The following CDH26 variants were observed in gnomAD, a reference collection of about 807,000 sequenced individuals.
CDH26 encodes cadherin-like protein 26.
CDH26 carries 83 observed loss-of-function variants against 90.3 expected under a neutral mutation model. The ratio of observed to expected loss-of-function variants is 0.92; its 90% CI spans 0.77 to 1.10. The LOEUF is 1.10. Ranked by LOEUF, CDH26 falls within the 50% of genes least tolerant of loss-of-function variation. The pLI is 0.00. For missense variants in CDH26, 1,013 were observed against 1,037.6 expected, an observed-to-expected ratio of 0.98 and a Z score of 0.33; for synonymous variants, 397 against 396.3, an observed-to-expected ratio of 1.00 and a Z score of -0.02.
intron 1 of CDH26, among the ~76,000 whole-genome samples, chr20:59,967,783 T>C: frequency 7.5e-6 from 1 of 133,242 alleles, no homozygotes; most frequent in Non-Finnish European, 1.6e-5. Context: ...CCTCCCTCCT[T>C]CCTTCCTTCC....
At chr20:60,012,453 A>T (rs938663301) in intron 17 of CDH26, 74 bp from the exon 18 acceptor site, 8 of 1,432,360 alleles carry the variant, frequency 5.6e-6, no homozygotes, top group Non-Finnish European at 7.7e-6. Flanking sequence ...GTGTTCCTCG[A>T]ATCAAACCTA....
At chr20:60,022,823 C>T (rs1351890762) in intron 7 of CDH26, among the ~76,000 whole-genome samples, 1 of 151,714 alleles carries the variant, frequency 6.6e-6, no homozygotes, top group Admixed American at 6.5e-5. Context: ...TTTCACTGTT[C>T]CCAACACAAG....
At chr20:59,979,601 CTTTTTTTTTTTTTTTTTTTTTTTTTTT>C (rs559969476) in intron 4 of CDH26, among the ~76,000 whole-genome samples, 13 of 47,500 alleles carry the variant, frequency 2.7e-4, no homozygotes, top group Admixed American at 7.3e-4. Context: ...CTGCTATGCA[CTTTTTTTTTTTTTTTTTTTTTTTTTTT>C]TTTTTTTTTT....
chr20:59,990,707 G>A (rs1425027491), intron 9 of CDH26, among the ~76,000 whole-genome samples: 2 of 152,094 alleles, frequency 1.3e-5, no homozygotes, highest in East Asian at 3.9e-4. Flanking sequence ...CTCATTGTGA[G>A]CAGCCAACCA....
At chr20:59,980,992 A>T (rs2061388891) in intron 4 of CDH26, among the ~76,000 whole-genome samples, 1 of 152,108 alleles carries the variant, frequency 6.6e-6, no homozygotes, top group Non-Finnish European at 1.5e-5. Flanking sequence ...TTTCAGAATC[A>T]TGTGTTGAAA....
intron 7 of CDH26, among the ~76,000 whole-genome samples, chr20:60,027,244 C>G (rs1417610280): frequency 1.3e-5 from 2 of 152,022 alleles, no homozygotes; most frequent in Admixed American, 1.3e-4. Context: ...AAAAGAAGGA[C>G]AGTGGTGGGA....
At chr20:59,976,526 C>A (rs1309586089) in intron 4 of CDH26, among the ~76,000 whole-genome samples, 2 of 152,220 alleles carry the variant, frequency 1.3e-5, no homozygotes, top group African/African-American at 4.8e-5. Context: ...ACAGTTGGCA[C>A]AGTTTTACAG....
At chr20:60,033,773 ATGTGTGTGTGTGTG>A in exon 9 of CDH26, 4 of 899,418 alleles carry the variant, frequency 4.4e-6, no homozygotes, top group Non-Finnish European at 5.7e-6. Context: ...GGTAGACAAG[ATGTGTGTGTGTGTG>A]TGTGTGTGTG....
chr20:59,961,100 T>C (rs533867206), intron 1 of CDH26, among the ~76,000 whole-genome samples: 3 of 152,204 alleles, frequency 2.0e-5, no homozygotes, highest in Admixed American at 2.0e-4. Context: ...TGATCTCCAA[T>C]ACTTCACAGA....
Position 59,968,024 on chromosome 20 carries a change from T to C in CDH26, c.70-943T>C, listed in dbSNP as rs560383250. On this transcript the variant is annotated intron_variant, in intron 1 of 17. Transcript: ENST00000348616. ...CTTTCTTTCTTTCTTCCTTTCTCTC[T>C]GTCTCTCTCTCTCTCTCTCTCTCTC... Among the ~76,000 whole-genome samples, 19 of 123,324 alleles carry C rather than the reference T, an allele frequency of 1.5e-4. No homozygotes were observed. The East Asian group carries it at 3.2e-3, about 21-fold the overall frequency. 80.9% of individuals were successfully genotyped at this position (123,324 alleles called of 152,430 possible).
At position 59,994,556 on chromosome 20, in the gene CDH26, G is replaced by A. The variant is rs866713849; in HGVS notation, c.1666+67G>A. 1.9e-5 allele frequency: 30 copies of A among 1,570,782 alleles called. No individual in the cohort carries two copies. In the African/African-American group the frequency reaches 3.6e-4, roughly 19 times the overall value. On this transcript the variant is annotated intron_variant, in intron 11 of 17. Transcript: ENST00000348616. ...CAGATATCCAATTCAAACAGATTTA[G>A]GCAAAAAAGGACTTTATTAGCTTAA...
chr20:59,989,303 T>C (rs1031675990), intron 9 of CDH26, 140 bp downstream of exon 9: 1 of 1,060,076 alleles, frequency 9.4e-7, no homozygotes, highest in Non-Finnish European at 1.4e-6. Context: ...CCGAGGCGGG[T>C]GGATCATGAG....
At chr20:59,999,938 G>C (rs1479488261) in intron 14 of CDH26, among the ~76,000 whole-genome samples, 2 of 152,158 alleles carry the variant, frequency 1.3e-5, no homozygotes, top group Admixed American at 6.5e-5. Context: ...GTGATTTTTT[G>C]CCATATGCAT....
chr20:60,001,699 A>C, intron 15 of CDH26: 1 of 816,008 alleles, frequency 1.2e-6, no homozygotes, highest in Non-Finnish European at 1.5e-6. Context: ...ATGTCCTTCT[A>C]AGGGCACCAG....
chr20:59,959,167 C>T (rs920318810), intron 1 of CDH26, among the ~76,000 whole-genome samples: 2 of 152,030 alleles, frequency 1.3e-5, no homozygotes, highest in Non-Finnish European at 2.9e-5. Flanking sequence ...GTGGCATGAT[C>T]AAGGCTCACT....
chr20:60,028,573 AGTT>A (rs1660227414), intron 7 of CDH26, among the ~76,000 whole-genome samples: 1 of 152,228 alleles, frequency 6.6e-6, no homozygotes, highest in African/African-American at 2.4e-5. Context: ...CTGAGCAGGG[AGTT>A]CATAGGCAGG....
chr20:59,997,726 C>G (rs1426480657), intron 13 of CDH26, among the ~76,000 whole-genome samples: 1 of 152,258 alleles, frequency 6.6e-6, no homozygotes, highest in African/African-American at 2.4e-5. Flanking sequence ...GTCACCCCAT[C>G]TTACACCTCC....
At chr20:60,035,548 G>T (rs1327846770), downstream of CDH26, among the ~76,000 whole-genome samples, 1 of 151,878 alleles carries the variant, frequency 6.6e-6, no homozygotes, top group African/African-American at 2.4e-5. Flanking sequence ...TGAACTGCCT[G>T]TTTTTGTCAT....
At chr20:60,010,188 C>T (rs1008647296) in intron 17 of CDH26, among the ~76,000 whole-genome samples, 4 of 135,340 alleles carry the variant, frequency 3.0e-5, no homozygotes, top group South Asian at 2.8e-4. Flanking sequence ...CTGGGTGGGG[C>T]GGGGCGGGGG....
Sources: gnomAD v4.1 joint callset for allele counts (sites outside exome capture counted in the v4.1 genomes callset) on GRCh38, gnomAD v4.1.1 for gene constraint, MANE v1.5 for transcripts, NCBI Gene and HGNC (gene_info 2026-07-23, HGNC 2026-07-21) for gene names.